The following RAB18 variants were observed in gnomAD, a reference collection of about 807,000 sequenced individuals.
The protein encoded by RAB18 is ras-related protein Rab-18.
In RAB18, 10 loss-of-function variants were observed where a neutral mutation model predicts 28.5. That is an observed-to-expected ratio of 0.35 (90% CI 0.22 to 0.60). The LOEUF (loss-of-function observed/expected upper bound fraction) is 0.60. RAB18 is among the 20% of genes least tolerant of loss of function. RAB18 has a pLI of 0.78. For missense variants in RAB18, 188 were observed against 244.2 expected (o/e 0.77, Z 1.53); for synonymous variants, 93 against 86.9 (o/e 1.07, Z -0.39).
In RAB18 at chr10:27,538,054, T is replaced by C; in HGVS notation, c.*3T>C. On this transcript the variant is annotated 3_prime_UTR_variant, in exon 7 of 7. Transcript: ENST00000356940. ...GTGGTTATTGCTCTGTGTTATAAAC[T>C]CTGGGAAATTCCATCTCTTGCATAT... 6.2e-7 allele frequency: 1 copy of C among 1,614,132 alleles called. No homozygotes were observed. The highest frequency in any genetic ancestry group is 8.5e-7 in the Non-Finnish European group (1 of 1,179,972).
rs1215010552 is a variant in RAB18, at chr10:27,542,127, A to G, written c.*4076A>G. On this transcript the variant is annotated 3_prime_UTR_variant, in exon 7 of 7. Transcript: ENST00000356940. ...CAGCCTGAGGCAGTACCAGGGTGAG[A>G]GGGAGTCTATTGGAGCCCTTGGGAA... 2.2e-6 allele frequency: 1 copy of G among 453,976 alleles called. No individual in the cohort carries two copies. Among genetic ancestry groups the G allele is most frequent in the Non-Finnish European group, 4.4e-6 (1 of 226,792 alleles). 28.1% of individuals were successfully genotyped at this position (453,976 alleles called of 1,614,324 possible).
At chr10:27,508,583 A>G (rs141806374) in intron 1 of RAB18, among the ~76,000 whole-genome samples, 6 of 152,338 alleles carry the variant, frequency 3.9e-5, no homozygotes, top group African/African-American at 9.6e-5. Flanking sequence ...ATTGTTACCT[A>G]TGTTCCAAGT....
rs1564841097 is a variant in RAB18 at position 27,540,536 on chromosome 10, A to G, written c.*2485A>G. The G allele has an allele frequency of 2.2e-6, 1 of 454,124 alleles. No individual in the cohort carries two copies. The highest frequency in any genetic ancestry group is 4.4e-6 in the Non-Finnish European group (1 of 226,784). The allele number at this position is 454,124 out of a possible 1,614,324, so 28.1% of individuals were successfully genotyped here. ...ACTTTTGGGTTATAGAGTAAATCCC[A>G]TGATGTAAACCTACCTCATAAGTCA... On this transcript the variant is annotated 3_prime_UTR_variant, in exon 7 of 7. Coordinates refer to ENST00000356940, the MANE Select transcript of RAB18 (RefSeq NM_021252.5).
In RAB18 at chr10:27,540,647, G is replaced by T. The variant is rs762585866; in HGVS notation, c.*2596G>T. 1 of 453,970 alleles carries T rather than the reference G, an allele frequency of 2.2e-6. No homozygotes were observed. The highest frequency in any genetic ancestry group is 4.4e-6 in the Non-Finnish European group (1 of 226,746). 28.1% of individuals were successfully genotyped at this position (453,970 alleles called of 1,614,324 possible). On this transcript the variant is annotated 3_prime_UTR_variant, in exon 7 of 7. Transcript: ENST00000356940. ...GGACTGAAAATCCTGACTTAGAAAA[G>T]GTACAAAGTTAGGGGACTTATGGTA...
At chr10:27,527,526 T>G (rs1260414345) in intron 3 of RAB18, among the ~76,000 whole-genome samples, 1 of 151,910 alleles carries the variant, frequency 6.6e-6, no homozygotes, top group African/African-American at 2.4e-5. Context: ...ATCAGTCTAT[T>G]TACCCACCCA....
Position 27,541,611 on chromosome 10 carries a change from G to A in RAB18, c.*3560G>A, listed in dbSNP as rs1015877161. 26 of 450,188 alleles carry A rather than the reference G, an allele frequency of 5.8e-5. No homozygotes were observed. Among genetic ancestry groups the A allele is most frequent in the Non-Finnish European group, 8.4e-5 (19 of 226,070 alleles). The allele number at this position is 450,188 out of a possible 1,614,324, so 27.9% of individuals were successfully genotyped here. On this transcript the variant is annotated 3_prime_UTR_variant, in exon 7 of 7. Coordinates refer to ENST00000356940, the MANE Select transcript of RAB18 (RefSeq NM_021252.5). ...TGTTCTCAGTCTTGTCCCCTTTACC[G>A]TTTCTCATGCAGGTTATTTCTTGCT...
rs975293053 is a variant in RAB18, at chr10:27,541,754, C to T, written c.*3703C>T. 2.2e-6 allele frequency: 1 copy of T among 452,352 alleles called. No homozygotes were observed. The highest frequency in any genetic ancestry group is 1.6e-5 in the South Asian group (1 of 64,424). The allele number at this position is 452,352 out of a possible 1,614,324, so 28.0% of individuals were successfully genotyped here. ...AATATTTTATTGGATATGTTTGTGA[C>T]TGACTTTAATTTCTTGTTTGTGTGT... On this transcript the variant is annotated 3_prime_UTR_variant, in exon 7 of 7. Coordinates refer to ENST00000356940, the MANE Select transcript of RAB18 (RefSeq NM_021252.5).
chr10:27,537,880 A>G lies in RAB18; in HGVS notation c.450A>G (p.Ala150=), dbSNP rs753890017. The part of the protein sequence containing the change: ...ARKHSMLFIE[A]SAKTCDGVQC... The stretch of plus-strand genomic sequence containing the variant: ...ACCTTTTTCCTTGAATTTCAGAGGC[A>G]AGTGCAAAAACCTGTGATGGTGTAC... Residue 150 remains alanine, a synonymous_variant, in exon 7 of 7, where the codon GCA becomes GCG. Transcript: ENST00000356940. The G allele has an allele frequency of 1.1e-5, 18 of 1,613,896 alleles. No homozygotes were observed. Among genetic ancestry groups the G allele is most frequent in the Non-Finnish European group, 1.5e-5 (18 of 1,179,888 alleles).
chr10:27,505,185 TATAAGGTAAG>T (rs778352374), intron 1 of RAB18: 2 of 528,352 alleles, frequency 3.8e-6, no homozygotes, highest in Non-Finnish European at 7.8e-6. Context: ...TGGAGTTGAG[TATAAGGTAAG>T]ACATGGATCT....
rs183527221 is a variant in RAB18 at position 27,526,726 on chromosome 10, G to A, written c.125-102G>A. ...TTCTAAGAAGTTGGGGTGTGAATTG[G>A]GCATTTGATAATAGTGACTTTTCTG... is the stretch of plus-strand genomic sequence containing the variant. On this transcript the variant is annotated intron_variant, in intron 2 of 6. Transcript: ENST00000356940. 13 of 1,404,926 alleles carry A rather than the reference G, an allele frequency of 9.3e-6. No homozygotes were observed. The African/African-American group carries it at 1.6e-4, about 17-fold the overall frequency. The allele number at this position is 1,404,926 out of a possible 1,614,324, so 87.0% of individuals were successfully genotyped here.
chr10:27,541,567 A>G lies in RAB18; in HGVS notation c.*3516A>G, dbSNP rs1835031984. Reference sequence around the variant, plus strand: ...ACACACACCTACACACATATTTTGAATAGTCGTGTGTTCATGCCTGTTCTC... The same window carrying G: ...ACACACACCTACACACATATTTTGAGTAGTCGTGTGTTCATGCCTGTTCTC... On this transcript the variant is annotated 3_prime_UTR_variant, in exon 7 of 7. Transcript: ENST00000356940. 1 of 453,804 alleles carries G rather than the reference A, an allele frequency of 2.2e-6. No homozygotes were observed. The highest frequency in any genetic ancestry group is 4.4e-6 in the Non-Finnish European group (1 of 226,746). 28.1% of individuals were successfully genotyped at this position (453,804 alleles called of 1,614,324 possible). A position where few individuals can be genotyped will look rare whatever the true frequency, so the allele number is the denominator to read the frequency against.
At chr10:27,523,861 C>T (rs944476020) in intron 2 of RAB18, among the ~76,000 whole-genome samples, 18 of 151,882 alleles carry the variant, frequency 1.2e-4, no homozygotes, top group Admixed American at 7.9e-4. Flanking sequence ...GGGCGGATCA[C>T]GAGGTCAGGA....
intron 2 of RAB18, chr10:27,514,008 C>T (rs1238476848): frequency 6.6e-6 from 1 of 152,206 alleles, no homozygotes; most frequent in Non-Finnish European, 1.5e-5. Context: ...TCCAGACTGC[C>T]TGTCTGCATT....
At chr10:27,523,813 C>T (rs561729778) in intron 2 of RAB18, among the ~76,000 whole-genome samples, 1 of 151,954 alleles carries the variant, frequency 6.6e-6, no homozygotes, top group South Asian at 2.1e-4. Flanking sequence ...GGTGCGGTGG[C>T]TCACGCCTAT....
rs1244014772 is a variant in RAB18 at position 27,539,653 on chromosome 10, CTG to C, written c.*1604_*1605del. 13 of 453,380 alleles carry C rather than the reference CTG, an allele frequency of 2.9e-5. No homozygotes were observed. The highest frequency in any genetic ancestry group is 1.2e-4 in the Admixed American group (5 of 42,470). The allele number at this position is 453,380 out of a possible 1,614,324, so 28.1% of individuals were successfully genotyped here. A position where few individuals can be genotyped will look rare whatever the true frequency, so the allele number is the denominator to read the frequency against. On this transcript the variant is annotated 3_prime_UTR_variant, in exon 7 of 7. Coordinates refer to ENST00000356940, the MANE Select transcript of RAB18 (RefSeq NM_021252.5). ...TTATGTAGAGTCTGTATTGACAAGA[CTG>C]TTGTTTTTTGCTCCTTGAGCTATAT...
At chr10:27,521,383 GA>G (rs1431117305) in intron 2 of RAB18, among the ~76,000 whole-genome samples, 1 of 152,064 alleles carries the variant, frequency 6.6e-6, no homozygotes, top group Admixed American at 6.6e-5. Flanking sequence ...TTTATCCTGT[GA>G]AAAAGACACT....
chr10:27,504,464 A>T, intron 1 of RAB18, 27 bp downstream of exon 1: 1 of 1,555,656 alleles, frequency 6.4e-7, no homozygotes. Context: ...GGTCGTGACG[A>T]GGGTGGCTGG....
intron 3 of RAB18, chr10:27,527,121 C>T (rs1834690635): frequency 1.6e-6 from 1 of 630,180 alleles, no homozygotes; most frequent in East Asian, 3.4e-5. Flanking sequence ...TATTTCAAAA[C>T]AGAACAGAAT....
chr10:27,515,347 A>G (rs1206544428), intron 2 of RAB18, among the ~76,000 whole-genome samples: 4 of 152,190 alleles, frequency 2.6e-5, no homozygotes, highest in East Asian at 1.9e-4. Flanking sequence ...CCTTTTGACT[A>G]TAAAAAGGGT....
Sources: gnomAD v4.1 joint callset for allele counts (sites outside exome capture counted in the v4.1 genomes callset) on GRCh38, gnomAD v4.1.1 for gene constraint, MANE v1.5 for transcripts, NCBI Gene and HGNC (gene_info 2026-07-23, HGNC 2026-07-21) for gene names.